Variants in PKIB observed in about 807,000 individuals in gnomAD.
The protein encoded by PKIB is cAMP-dependent protein kinase inhibitor beta, also known as PKI-beta.
A neutral mutation model predicts 4.5 loss-of-function variants in PKIB; 2 were observed. The ratio of observed to expected loss-of-function variants is 0.44; its 90% CI spans 0.18 to 1.39. PKIB has a LOEUF of 1.39. PKIB is among the 40% of genes most tolerant of loss of function. The pLI is 0.27. For missense variants in PKIB, 94 were observed against 92.6 expected, an observed-to-expected ratio of 1.02 and a Z score of -0.06; for synonymous variants, 38 against 36.0, an observed-to-expected ratio of 1.06 and a Z score of -0.20.
intron 2 of PKIB, among the ~76,000 whole-genome samples, chr6:122,502,850 A>G (rs1776282923): frequency 1.3e-5 from 2 of 152,182 alleles, no homozygotes; most frequent in African/African-American, 2.4e-5. Context: ...TGCTAATTAC[A>G]TATTTTCCTT....
intron 2 of PKIB, among the ~76,000 whole-genome samples, chr6:122,533,076 G>C (rs1401101648): frequency 6.6e-6 from 1 of 152,034 alleles, no homozygotes; most frequent in Non-Finnish European, 1.5e-5. Context: ...TATTAACACT[G>C]TAGCAAATAT....
chr6:122,517,213 A>C (rs1776786102), intron 2 of PKIB, among the ~76,000 whole-genome samples: 1 of 152,172 alleles, frequency 6.6e-6, no homozygotes, highest in Admixed American at 6.5e-5. Flanking sequence ...TCACCATTCA[A>C]GTCAAGTTAT....
At chr6:122,620,107 T>C (rs1775164350) in intron 1 of PKIB, among the ~76,000 whole-genome samples, 1 of 152,118 alleles carries the variant, frequency 6.6e-6, no homozygotes, top group Non-Finnish European at 1.5e-5. Flanking sequence ...TCCACCCTCT[T>C]ATACTCACTT....
chr6:122,592,990 A>T (rs1434027822), intron 3 of PKIB, among the ~76,000 whole-genome samples: 3 of 152,146 alleles, frequency 2.0e-5, no homozygotes, highest in African/African-American at 7.2e-5. Flanking sequence ...AACATTTTTG[A>T]TATTAAATTT....
At chr6:122,618,614 AG>A (rs1775088859) in intron 1 of PKIB, among the ~76,000 whole-genome samples, 1 of 152,108 alleles carries the variant, frequency 6.6e-6, no homozygotes, top group Non-Finnish European at 1.5e-5. Context: ...ACTTTTTAAA[AG>A]ACAAAAAATT....
At chr6:122,616,669 C>G (rs1326330648) in intron 1 of PKIB, among the ~76,000 whole-genome samples, 1 of 151,270 alleles carries the variant, frequency 6.6e-6, no homozygotes, top group Non-Finnish European at 1.5e-5. Context: ...ACAATGTTTT[C>G]AATCTGTAGT....
chr6:122,576,689 A>AAAAAATATATATATATATATAT (rs1345822382), intron 2 of PKIB, among the ~76,000 whole-genome samples: 2 of 34,312 alleles, frequency 5.8e-5, no homozygotes, highest in Non-Finnish European at 9.3e-5. Flanking sequence ...AAAAAAAAAA[A>AAAAAATATATATATATATATAT]ATATATATAT....
intron 1 of PKIB, among the ~76,000 whole-genome samples, chr6:122,628,589 G>T (rs1293008707): frequency 6.6e-6 from 1 of 152,164 alleles, no homozygotes; most frequent in African/African-American, 2.4e-5. Context: ...TACAAAGTAT[G>T]CCCTGTGCAT....
At chr6:122,706,088 T>C (rs1779044635) in intron 3 of PKIB, among the ~76,000 whole-genome samples, 1 of 152,162 alleles carries the variant, frequency 6.6e-6, no homozygotes. Flanking sequence ...CACTCCCCTC[T>C]TTTAGCTTAC....
intron 3 of PKIB, among the ~76,000 whole-genome samples, chr6:122,704,947 A>G (rs948725976): frequency 2.6e-5 from 4 of 152,148 alleles, no homozygotes; most frequent in African/African-American, 4.8e-5. Flanking sequence ...AGCTCTAACT[A>G]TTCGGGAGGC....
rs117351461 is a variant in PKIB, at chr6:122,672,254, C to G, written c.-75-2824C>G. ...GAGTAGAGCATCAGACCTTGAAGCC[C>G]GAGGTACCCAGAGCAGTTCTGCTTG... On this transcript the variant is annotated intron_variant, in intron 2 of 4. Coordinates refer to ENST00000368452, the MANE Select transcript of PKIB (RefSeq NM_181795.3). 1.2e-3 allele frequency among the ~76,000 whole-genome samples: 184 copies of G among 152,130 alleles called. 3 individuals carry two copies. The East Asian group carries it at 0.02, about 17-fold the overall frequency.
intron 2 of PKIB, among the ~76,000 whole-genome samples, chr6:122,496,009 C>G (rs1776067981): frequency 6.6e-6 from 1 of 152,144 alleles, no homozygotes; most frequent in Non-Finnish European, 1.5e-5. Flanking sequence ...AAGCTTGGGG[C>G]TCCAGCTCAA....
At chr6:122,619,496 C>T (rs1775134301) in intron 1 of PKIB, among the ~76,000 whole-genome samples, 1 of 151,860 alleles carries the variant, frequency 6.6e-6, no homozygotes, top group Admixed American at 6.6e-5. Context: ...TGTGCCTTCT[C>T]ACCCCCGCAC....
At chr6:122,633,146 G>A (rs528773736) in intron 1 of PKIB, 137 bp from the exon 2 acceptor site, 1 of 152,286 alleles carries the variant, frequency 6.6e-6, no homozygotes, top group South Asian at 2.1e-4. Flanking sequence ...GACAATGAAT[G>A]TTGTTTTAAC....
rs556049530 is a variant in PKIB, at chr6:122,509,494, G to T, written c.-248+31555G>T. The stretch of plus-strand genomic sequence containing the variant: ...TGCCCAGGCTGGAGTCCAGTGGTGC[G>T]ATCTCGGCTCACTGCAAGCTCTGCC... On this transcript the variant is annotated intron_variant, in intron 2 of 6. Transcript: ENST00000392491. Among the ~76,000 whole-genome samples, 13 of 151,068 alleles carry T rather than the reference G, an allele frequency of 8.6e-5. No homozygotes were observed. The South Asian group carries it at 2.7e-3, about 32-fold the overall frequency.
At chr6:122,715,672 C>T (rs1413569905) in intron 3 of PKIB, among the ~76,000 whole-genome samples, 2 of 130,400 alleles carry the variant, frequency 1.5e-5, no homozygotes, top group Non-Finnish European at 3.6e-5. Flanking sequence ...TATACATACA[C>T]ATATATATGA....
intron 2 of PKIB, among the ~76,000 whole-genome samples, chr6:122,501,951 A>ATTTTTTTTTTT (rs1562230962): frequency 9.5e-6 from 1 of 105,406 alleles, no homozygotes; most frequent in Non-Finnish European, 2.0e-5. Context: ...TTTTTTTTTA[A>ATTTTTTTTTTT]TTTTATTTTA....
rs530909713 is a variant in PKIB at position 122,712,901 on chromosome 6, T to A, written c.-8-4886T>A. On this transcript the variant is annotated intron_variant, in intron 3 of 4. Coordinates refer to ENST00000368452, the MANE Select transcript of PKIB (RefSeq NM_181795.3). ...CAAAACTTCTGTTTGTTTATAATTA[T>A]GCTTCTAACATACTAACATCCTCTT... Among the ~76,000 whole-genome samples the A allele has an allele frequency of 1.1e-4, 17 of 152,282 alleles. No individual in the cohort carries two copies. In the East Asian group the frequency reaches 3.3e-3, roughly 29 times the overall value.
At chr6:122,493,021 A>T (rs1402255737) in intron 2 of PKIB, among the ~76,000 whole-genome samples, 1 of 152,216 alleles carries the variant, frequency 6.6e-6, no homozygotes, top group East Asian at 1.9e-4. Context: ...ATTGAAAAGG[A>T]TATATTTTCT....
Sources: allele counts gnomAD v4.1 joint callset (sites outside exome capture counted in the v4.1 genomes callset), GRCh38; gene constraint gnomAD v4.1.1; transcripts MANE v1.5; gene names NCBI Gene and HGNC (gene_info 2026-07-23, HGNC 2026-07-21).